Variants in BDNF observed in about 807,000 individuals in gnomAD.
The protein encoded by BDNF is neurotrophic factor BDNF precursor form.
Under a neutral mutation model 19.5 loss-of-function variants are expected in BDNF, and 1 was observed. The observed-to-expected ratio is 0.05, with a 90% CI of 0.02 to 0.24. The LOEUF is 0.24. BDNF is among the 10% of genes least tolerant of loss of function. The pLI is 1.00. For synonymous variants in BDNF, 100 were observed against 121.6 expected (o/e 0.82, Z 1.17); for missense variants, 195 against 317.6 (o/e 0.61, Z 2.93).
chr11:27,697,164 CAGAGAGAGAG>C (rs72348822), intron 1 of BDNF, among the ~76,000 whole-genome samples: 12 of 133,164 alleles, frequency 9.0e-5, no homozygotes, highest in South Asian at 8.9e-4. Flanking sequence ...CACACACACA[CAGAGAGAGAG>C]AGAGAGAGAG....
chr11:27,688,931 G>A (rs909365682), intron 1 of BDNF, among the ~76,000 whole-genome samples: 4 of 152,098 alleles, frequency 2.6e-5, no homozygotes, highest in African/African-American at 7.2e-5. Context: ...TTATAACTAA[G>A]TTACTAAGGA....
At chr11:27,685,762 G>A (rs1011375906) in intron 1 of BDNF, among the ~76,000 whole-genome samples, 2 of 151,886 alleles carry the variant, frequency 1.3e-5, no homozygotes, top group African/African-American at 4.8e-5. Context: ...TGGTCTGAGA[G>A]ACTGTTTGTT....
rs1852706619 is a variant in BDNF, at chr11:27,657,354, C to G, written c.*467G>C. 3.0e-6 allele frequency: 3 copies of G among 998,274 alleles called. No individual in the cohort carries two copies. In the African/African-American group the frequency reaches 5.2e-5, roughly 17 times the overall value. The allele number at this position is 998,274 out of a possible 1,614,324, so 61.8% of individuals were successfully genotyped here. A position where few individuals can be genotyped will look rare whatever the true frequency, so the allele number is the denominator to read the frequency against. On this transcript the variant is annotated 3_prime_UTR_variant, in exon 2 of 2. Transcript: ENST00000356660. The surrounding 1 kb of genome is among the most constrained non-coding windows in gnomAD (Gnocchi z 5.0). The stretch of plus-strand genomic sequence containing the variant: ...GACATTGTTTTAATTCCAACGCTAT[C>G]AGAAGTTAAAAGCAGTAAAACAGAT...
intron 1 of BDNF, chr11:27,720,501 C>G (rs752514704): frequency 5.1e-6 from 5 of 985,854 alleles, no homozygotes; most frequent in East Asian, 1.1e-4. Flanking sequence ...ATGAGGGGAC[C>G]AAACTGGGGC....
At chr11:27,716,440 TAC>T (rs895793513) in intron 1 of BDNF, among the ~76,000 whole-genome samples, 32 of 86,434 alleles carry the variant, frequency 3.7e-4, no homozygotes, top group African/African-American at 1.1e-3. Flanking sequence ...CACACGCCCA[TAC>T]ACACACACAC....
intron 1 of BDNF, among the ~76,000 whole-genome samples, chr11:27,664,822 G>A (rs148260790): frequency 2.6e-5 from 4 of 152,038 alleles, no homozygotes; most frequent in East Asian, 1.9e-4. Flanking sequence ...GAAGGCTCCC[G>A]ATAGCCAGAG....
In BDNF at chr11:27,658,134, A is replaced by G. The variant is rs1852811497; in HGVS notation, c.431T>C (p.Ile144Thr). The change falls in exon 2 of 2, where the codon ATT becomes ACT. Residue 144 changes from isoleucine to threonine, a missense_variant. By Grantham distance (89) the Ile-to-Thr change is moderately conservative. Transcript: ENST00000356660. This position sits in a 1 kb window ranked among gnomAD's most constrained non-coding sequence, Gnocchi z 5.7. ...RRGELSVCDSISEWVTAADKK... is the reference protein window; with the variant it reads ...RRGELSVCDSTSEWVTAADKK... ...GTCTGCCGCCGTTACCCACTCACTA[A>G]TACTGTCACACACGCTCAGCTCCCC... The G allele has an allele frequency of 7.4e-6, 12 of 1,614,046 alleles. No homozygotes were observed. Among genetic ancestry groups the G allele is most frequent in the Non-Finnish European group, 1.0e-5 (12 of 1,180,006 alleles).
chr11:27,713,190 C>A (rs1339856165), intron 1 of BDNF, among the ~76,000 whole-genome samples: 1 of 152,194 alleles, frequency 6.6e-6, no homozygotes, highest in Non-Finnish European at 1.5e-5. Context: ...TTAGCCACCA[C>A]ACTGGGCATC....
At chr11:27,672,846 G>A (rs1170969858) in intron 1 of BDNF, among the ~76,000 whole-genome samples, 2 of 152,104 alleles carry the variant, frequency 1.3e-5, no homozygotes, top group Non-Finnish European at 2.9e-5. Flanking sequence ...CATTATGAGG[G>A]ATTTGATGGG....
At chr11:27,660,251 C>A in intron 1 of BDNF, 1 of 1,251,736 alleles carries the variant, frequency 8.0e-7, no homozygotes, top group Non-Finnish European at 1.0e-6. Flanking sequence ...TTTTCAACCA[C>A]TAAGAGACTT....
upstream of BDNF, chr11:27,701,595 G>A: frequency 1.0e-6 from 1 of 987,114 alleles, no homozygotes; most frequent in Non-Finnish European, 1.2e-6. Context: ...GGGAGCGGCA[G>A]CGAGAGCAGC....
chr11:27,704,849 A>G (rs1189095273), upstream of BDNF, among the ~76,000 whole-genome samples: 1 of 152,206 alleles, frequency 6.6e-6, no homozygotes, highest in Non-Finnish European at 1.5e-5. Context: ...ATGAACCATA[A>G]GAATAGCTCA....
intron 1 of BDNF, among the ~76,000 whole-genome samples, chr11:27,708,825 C>T (rs1222404169): frequency 1.9e-4 from 21 of 112,440 alleles, no homozygotes; most frequent in East Asian, 2.6e-4. Flanking sequence ...TAGAATTCCT[C>T]TTTTTTTTTT....
chr11:27,720,991 T>G, intron 1 of BDNF, among the ~76,000 whole-genome samples: 1 of 103,646 alleles, frequency 9.6e-6, no homozygotes, highest in South Asian at 3.6e-4. Flanking sequence ...ACCCCACCCT[T>G]ACCCCCACTC....
chr11:27,704,730 A>G (rs144538932), upstream of BDNF, among the ~76,000 whole-genome samples: 13 of 152,352 alleles, frequency 8.5e-5, no homozygotes, highest in South Asian at 8.3e-4. Context: ...ATGTTAAACT[A>G]TGTCACTCGC....
At chr11:27,687,584 C>T (rs904058184) in intron 1 of BDNF, among the ~76,000 whole-genome samples, 2 of 152,230 alleles carry the variant, frequency 1.3e-5, no homozygotes, top group African/African-American at 2.4e-5. Context: ...GACCTTTGTA[C>T]GGGGTTTTCG....
intron 1 of BDNF, chr11:27,674,146 A>T: frequency 6.2e-7 from 1 of 1,611,688 alleles, no homozygotes; most frequent in East Asian, 2.2e-5. Context: ...TGGGATGCAC[A>T]GTCATGCCAT....
chr11:27,720,887 AC>A (rs1860720686), intron 1 of BDNF: 1 of 587,882 alleles, frequency 1.7e-6, no homozygotes, highest in African/African-American at 2.0e-5. Flanking sequence ...CTTTTCTTCT[AC>A]GAGAGGATTA....
chr11:27,683,531 G>GGTTTTAT (rs1183997107), intron 1 of BDNF, among the ~76,000 whole-genome samples: 2 of 151,992 alleles, frequency 1.3e-5, no homozygotes, highest in Non-Finnish European at 2.9e-5. Flanking sequence ...GGGTTTTTAT[G>GGTTTTAT]GTTTTATGTT....
Sources: allele counts gnomAD v4.1 joint callset (sites outside exome capture counted in the v4.1 genomes callset), GRCh38; gene constraint gnomAD v4.1.1; non-coding constraint Gnocchi (gnomAD v3.1); transcripts MANE v1.5; gene names NCBI Gene and HGNC (gene_info 2026-07-23, HGNC 2026-07-21).